The following SMIM41 variants were observed in gnomAD, a reference collection of about 807,000 sequenced individuals.
The protein encoded by SMIM41 is small integral membrane protein 41.
At chr12:52,098,585 G>A (rs1418493485) in intron 2 of SMIM41, among the ~76,000 whole-genome samples, 1 of 151,592 alleles carries the variant, frequency 6.6e-6, no homozygotes, top group Non-Finnish European at 1.5e-5. Flanking sequence ...AACAATATCA[G>A]GAAGGGATGT....
intron 2 of SMIM41, among the ~76,000 whole-genome samples, chr12:52,092,907 C>T (rs961146383): frequency 5.3e-5 from 8 of 152,280 alleles, no homozygotes; most frequent in South Asian, 2.1e-4. Flanking sequence ...TTGGGCTGGG[C>T]ATGGCGGCTC....
intron 2 of SMIM41, among the ~76,000 whole-genome samples, chr12:52,088,270 G>T (rs183399864): frequency 1.3e-5 from 2 of 152,184 alleles, no homozygotes; most frequent in African/African-American, 4.8e-5. Context: ...GGAGACTTTC[G>T]TGAAGGTGGC....
Position 52,080,143 on chromosome 12 carries a change from G to A in SMIM41, c.*82G>A, listed in dbSNP as rs1174804115. On this transcript the variant is annotated 3_prime_UTR_variant, in exon 1 of 3. Coordinates refer to ENST00000546390, the MANE Select transcript of SMIM41 (RefSeq NM_001369216.1). The stretch of plus-strand genomic sequence containing the variant: ...CCGGAGCATGCCCGACGGCTGCTGC[G>A]GTCCCGACCCCTTACCCGAAGCGGC... 2 of 342,400 alleles carry A rather than the reference G, an allele frequency of 5.8e-6. No individual in the cohort carries two copies. Among genetic ancestry groups the A allele is most frequent in the Non-Finnish European group, 1.1e-5 (2 of 190,000 alleles). 21.2% of individuals were successfully genotyped at this position (342,400 alleles called of 1,614,324 possible).
chr12:52,080,383 C>G (rs1234790511), intron 1 of SMIM41, among the ~76,000 whole-genome samples: 1 of 152,164 alleles, frequency 6.6e-6, no homozygotes, highest in Non-Finnish European at 1.5e-5. Flanking sequence ...AGGAGGAGGC[C>G]GCCCCGCCCC....
At chr12:52,098,734 C>CGGG (rs34609593) in intron 2 of SMIM41, among the ~76,000 whole-genome samples, 29 of 133,240 alleles carry the variant, frequency 2.2e-4, no homozygotes, top group African/African-American at 3.8e-4. Context: ...AACAATATCA[C>CGGG]GGGGGGGGGG....
intron 2 of SMIM41, among the ~76,000 whole-genome samples, chr12:52,091,709 G>A (rs899474305): frequency 3.3e-5 from 5 of 152,194 alleles, no homozygotes; most frequent in Admixed American, 2.0e-4. Context: ...GGAGGAGGGC[G>A]GAACTGTAGA....
chr12:52,105,035 A>C (rs12296726), intron 2 of SMIM41, among the ~76,000 whole-genome samples: 10,555 of 152,284 alleles, frequency 0.069, 388 homozygotes, highest in Non-Finnish European at 0.077. Flanking sequence ...ATGAAGTCAA[A>C]AAGGGTGAAG....
In SMIM41 at chr12:52,108,058, G is replaced by C. The variant is rs541830597; in HGVS notation, c.*875G>C. ...GGGAAGTATAAAGCCTTCTCCACCTGTGGGTCTCACCTGTCAGTTGTTTGC... is the reference window on the plus strand; with the variant it reads ...GGGAAGTATAAAGCCTTCTCCACCTCTGGGTCTCACCTGTCAGTTGTTTGC... On this transcript the variant is annotated 3_prime_UTR_variant, in exon 3 of 3. Transcript: ENST00000546390. The C allele has an allele frequency of 3.1e-5, 7 of 222,652 alleles. No homozygotes were observed. The highest frequency in any genetic ancestry group is 1.1e-4 in the Admixed American group (2 of 19,016). 13.8% of individuals were successfully genotyped at this position (222,652 alleles called of 1,614,324 possible).
chr12:52,105,340 G>A (rs1162340821), intron 2 of SMIM41, among the ~76,000 whole-genome samples: 4 of 152,320 alleles, frequency 2.6e-5, no homozygotes, highest in East Asian at 1.9e-4. Context: ...TACAGCTCTC[G>A]ACTTCCTCAA....
intron 2 of SMIM41, 106 bp from the exon 3 acceptor site, chr12:52,107,273 T>C (rs538375330): frequency 5.6e-5 from 23 of 410,504 alleles, no homozygotes; most frequent in South Asian, 4.1e-4. Flanking sequence ...ATGCTGGGTG[T>C]TGGTTTACTT....
intron 2 of SMIM41, among the ~76,000 whole-genome samples, chr12:52,100,238 C>T (rs1940190900): frequency 6.6e-6 from 1 of 151,984 alleles, no homozygotes; most frequent in Non-Finnish European, 1.5e-5. Context: ...CATCCTCTCC[C>T]CGCTGGGATA....
chr12:52,095,682 A>G (rs933418596), intron 2 of SMIM41, among the ~76,000 whole-genome samples: 1 of 152,048 alleles, frequency 6.6e-6, no homozygotes, highest in Non-Finnish European at 1.5e-5. Context: ...GAACAATATC[A>G]CTGGGGTGGT....
At chr12:52,099,859 C>T (rs1241267074) in intron 2 of SMIM41, among the ~76,000 whole-genome samples, 1 of 151,918 alleles carries the variant, frequency 6.6e-6, no homozygotes, top group Non-Finnish European at 1.5e-5. Context: ...ATTATCCTCT[C>T]CCGCCCTGAA....
chr12:52,090,830 C>A (rs954418182), intron 2 of SMIM41, among the ~76,000 whole-genome samples: 1 of 152,114 alleles, frequency 6.6e-6, no homozygotes, highest in Admixed American at 6.5e-5. Context: ...AGATGGCCAG[C>A]GAGTGGGGCA....
intron 2 of SMIM41, among the ~76,000 whole-genome samples, chr12:52,099,035 A>T (rs746784164): frequency 6.6e-6 from 1 of 151,954 alleles, no homozygotes; most frequent in Non-Finnish European, 1.5e-5. Context: ...TATTAGGAAG[A>T]GTATCACAGG....
chr12:52,094,080 G>A (rs1335426172), intron 2 of SMIM41, among the ~76,000 whole-genome samples: 1 of 148,092 alleles, frequency 6.8e-6, no homozygotes, highest in Non-Finnish European at 1.5e-5. Context: ...GCAGTGAGCT[G>A]AGATTGCACC....
At chr12:52,092,379 C>T (rs1177572634) in intron 2 of SMIM41, 1 of 152,190 alleles carries the variant, frequency 6.6e-6, no homozygotes, top group Non-Finnish European at 1.5e-5. Flanking sequence ...CCCCCAGAGA[C>T]CAAGGCGGTG....
intron 2 of SMIM41, among the ~76,000 whole-genome samples, chr12:52,096,449 G>T (rs1325887262): frequency 6.6e-6 from 1 of 151,914 alleles, no homozygotes; most frequent in Admixed American, 6.6e-5. Context: ...TCACAGGTGG[G>T]TGTACACCCA....
At chr12:52,085,034 G>C (rs1368532165) in intron 2 of SMIM41, among the ~76,000 whole-genome samples, 1 of 152,184 alleles carries the variant, frequency 6.6e-6, no homozygotes, top group African/African-American at 2.4e-5. Flanking sequence ...CCTGAATACT[G>C]TGTGTGCGGT....
Sources: gnomAD v4.1 joint callset for allele counts (sites outside exome capture counted in the v4.1 genomes callset) on GRCh38, gnomAD v4.1.1 for gene constraint, MANE v1.5 for transcripts, NCBI Gene and HGNC (gene_info 2026-07-23, HGNC 2026-07-21) for gene names.